STYK1: variants seen among roughly 807,000 people sequenced by gnomAD.
STYK1 encodes the protein tyrosine-protein kinase STYK1.
In STYK1, 46 loss-of-function variants were observed where a neutral mutation model predicts 48.1. That is an observed-to-expected ratio of 0.96 (90% CI 0.75 to 1.22). The LOEUF (loss-of-function observed/expected upper bound fraction) is 1.22. Among genes scored for constraint, STYK1 ranks in the 50% most tolerant of loss-of-function variants. The pLI is 0.00. For synonymous variants in STYK1, 188 were observed against 189.0 expected (o/e 0.99, Z 0.04); for missense variants, 527 against 521.1 (o/e 1.01, Z -0.11).
At chr12:10,637,030 T>C (rs1947493257) in intron 2 of STYK1, 41 bp downstream of exon 2, 2 of 152,274 alleles carry the variant, frequency 1.3e-5, no homozygotes, top group Non-Finnish European at 1.5e-5. Flanking sequence ...CTCATGCTTA[T>C]ATCCTTACAC....
intron 1 of STYK1, among the ~76,000 whole-genome samples, chr12:10,661,123 C>T (rs1048133630): frequency 1.3e-5 from 2 of 151,914 alleles, no homozygotes; most frequent in Non-Finnish European, 1.5e-5. Flanking sequence ...ATAATAAAAA[C>T]GTCTCAAGAA....
intron 3 of STYK1, 85 bp from the exon 4 acceptor site, chr12:10,634,209 A>G: frequency 5.5e-6 from 8 of 1,464,822 alleles, no homozygotes; most frequent in Non-Finnish European, 7.4e-6. Flanking sequence ...GCCAGCTCTC[A>G]GCTCATCATA....
intron 2 of STYK1, among the ~76,000 whole-genome samples, chr12:10,635,338 T>A (rs921786089): frequency 5.9e-5 from 9 of 152,188 alleles, no homozygotes; most frequent in Non-Finnish European, 1.0e-4. Flanking sequence ...AGATAACAAA[T>A]AAAAAATTGA....
chr12:10,632,295 A>G (rs1047672376), intron 4 of STYK1, among the ~76,000 whole-genome samples: 1 of 152,160 alleles, frequency 6.6e-6, no homozygotes, highest in African/African-American at 2.4e-5. Flanking sequence ...CTTTCTGATG[A>G]GATAACATTT....
At chr12:10,635,679 C>T (rs936200862) in intron 2 of STYK1, among the ~76,000 whole-genome samples, 3 of 152,206 alleles carry the variant, frequency 2.0e-5, no homozygotes, top group Non-Finnish European at 2.9e-5. Flanking sequence ...CAGTTCTTAA[C>T]TCTCCTCCAG....
chr12:10,656,017 G>A (rs1294213967), intron 1 of STYK1, among the ~76,000 whole-genome samples: 1 of 152,046 alleles, frequency 6.6e-6, no homozygotes, highest in African/African-American at 2.4e-5. Flanking sequence ...TCATCTTGTA[G>A]CTCCCATAAT....
At chr12:10,671,900 T>C (rs1309927773) in intron 1 of STYK1, among the ~76,000 whole-genome samples, 2 of 149,370 alleles carry the variant, frequency 1.3e-5, no homozygotes, top group East Asian at 1.9e-4. Context: ...CATTAGTTGT[T>C]AAAGGGTTGA....
intron 1 of STYK1, among the ~76,000 whole-genome samples, chr12:10,656,230 T>A (rs1372296569): frequency 6.6e-6 from 1 of 152,184 alleles, no homozygotes. Flanking sequence ...CCTCCCACAA[T>A]GATTGTGAGG....
chr12:10,640,464 T>G (rs1360863803), intron 1 of STYK1, among the ~76,000 whole-genome samples: 1 of 152,184 alleles, frequency 6.6e-6, no homozygotes, highest in African/African-American at 2.4e-5. Flanking sequence ...TAAGAGAGGT[T>G]ATCTCGTCCT....
intron 1 of STYK1, among the ~76,000 whole-genome samples, chr12:10,654,985 C>A (rs1565571396): frequency 6.6e-6 from 1 of 152,190 alleles, no homozygotes; most frequent in Non-Finnish European, 1.5e-5. Context: ...TTGCCTTCCC[C>A]ACCCCACTGT....
intron 1 of STYK1, among the ~76,000 whole-genome samples, chr12:10,670,224 T>C (rs1947877330): frequency 1.3e-5 from 2 of 152,216 alleles, no homozygotes; most frequent in African/African-American, 2.4e-5. Flanking sequence ...CTTCTGTGTA[T>C]AGATAGCAAG....
At chr12:10,631,021 G>A (rs2120641353) in intron 5 of STYK1, 24 bp downstream of exon 5, 1 of 1,608,982 alleles carries the variant, frequency 6.2e-7, no homozygotes. Flanking sequence ...AGGGGAAGGG[G>A]GAGTCAAACA....
In STYK1 at chr12:10,627,698, G is replaced by A; in HGVS notation, c.660C>T (p.Leu220=). Reference sequence around the variant, plus strand: ...ATACTTGTTTTTCTGTGAGATCATAGAGAAGACCATCCATAGTCATCACAT... The same window carrying A: ...ATACTTGTTTTTCTGTGAGATCATAAAGAAGACCATCCATAGTCATCACAT... ...RRDVMTMDGL[L]YDLTEKQVYH... The change falls in exon 7 of 11, where the codon CTC becomes CTT. Residue 220 remains leucine (L), a synonymous_variant. Coordinates refer to ENST00000075503, the MANE Select transcript of STYK1 (RefSeq NM_018423.3). The A allele has an allele frequency of 6.2e-7, 1 of 1,613,440 alleles. No individual in the cohort carries two copies.
At chr12:10,665,119 T>G (rs910716325) in intron 1 of STYK1, among the ~76,000 whole-genome samples, 1 of 152,154 alleles carries the variant, frequency 6.6e-6, no homozygotes, top group Non-Finnish European at 1.5e-5. Context: ...GGGAGCTGCT[T>G]GGGCTTCAAG....
intron 3 of STYK1, 132 bp downstream of exon 3, chr12:10,634,435 G>C: frequency 6.0e-6 from 6 of 1,001,698 alleles, no homozygotes; most frequent in Non-Finnish European, 9.2e-6. Flanking sequence ...ATGGCCTCTA[G>C]TCCCCATCCT....
chr12:10,627,590 A>G, intron 7 of STYK1, 51 bp downstream of exon 7: 1 of 1,507,944 alleles, frequency 6.6e-7, no homozygotes, highest in Non-Finnish European at 9.1e-7. Flanking sequence ...ATCAAAAACA[A>G]GGCTAACAAG....
chr12:10,622,565 A>G (rs2120591602), intron 9 of STYK1, 73 bp downstream of exon 9: 1 of 1,566,350 alleles, frequency 6.4e-7, no homozygotes, highest in Non-Finnish European at 8.8e-7. Context: ...GAAAGCATAC[A>G]TCATCCACCC....
intron 1 of STYK1, among the ~76,000 whole-genome samples, chr12:10,658,722 A>G (rs1947745183): frequency 6.6e-6 from 1 of 152,226 alleles, no homozygotes; most frequent in African/African-American, 2.4e-5. Flanking sequence ...ATTATAAAAT[A>G]TAAAATTGTG....
intron 1 of STYK1, among the ~76,000 whole-genome samples, chr12:10,638,603 A>C (rs879600817): frequency 2.0e-5 from 3 of 152,222 alleles, no homozygotes; most frequent in Non-Finnish European, 4.4e-5. Flanking sequence ...TTTAATTCAC[A>C]CTATATTCTA....
Sources: gnomAD v4.1 joint callset for allele counts (sites outside exome capture counted in the v4.1 genomes callset) on GRCh38, gnomAD v4.1.1 for gene constraint, MANE v1.5 for transcripts, NCBI Gene and HGNC (gene_info 2026-07-23, HGNC 2026-07-21) for gene names.